GOLM2: variants seen among roughly 807,000 people sequenced by gnomAD.
GOLM2 encodes protein GOLM2.
A neutral mutation model predicts 55.9 loss-of-function variants in GOLM2; 26 were observed. The observed-to-expected ratio is 0.47, with a 90% CI of 0.34 to 0.65. GOLM2 has a LOEUF of 0.65. Among genes scored for constraint, GOLM2 ranks in the 30% least tolerant of loss-of-function variants. The pLI is 0.01. For missense variants in GOLM2, 486 were observed against 531.8 expected, an observed-to-expected ratio of 0.91 and a Z score of 0.85; for synonymous variants, 165 against 194.6, an observed-to-expected ratio of 0.85 and a Z score of 1.27.
At chr15:44,322,880 T>A in intron 1 of GOLM2, 85 bp from the exon 2 acceptor site, 1 of 870,750 alleles carries the variant, frequency 1.1e-6, no homozygotes, top group Non-Finnish European at 1.8e-6. Flanking sequence ...TTTGCATTTA[T>A]GATCAAGCTC....
intron 1 of GOLM2, among the ~76,000 whole-genome samples, chr15:44,300,218 G>A (rs567758271): frequency 1.4e-5 from 2 of 147,520 alleles, no homozygotes; most frequent in Non-Finnish European, 3.0e-5. Context: ...GAGGAAGAAA[G>A]AGGGAGAGGG....
At chr15:44,355,240 G>A (rs531394517) in intron 6 of GOLM2, 2 of 159,430 alleles carry the variant, frequency 1.3e-5, no homozygotes, top group Admixed American at 6.5e-5. Flanking sequence ...TGCCACCCAG[G>A]AGACCTATGG....
At chr15:44,340,150 G>T (rs1014591050) in intron 6 of GOLM2, among the ~76,000 whole-genome samples, 1 of 152,014 alleles carries the variant, frequency 6.6e-6, no homozygotes, top group African/African-American at 2.4e-5. Context: ...GTAGAGACAA[G>T]GTCTCACCAT....
At chr15:44,407,717 G>A (rs1269239930) in intron 9 of GOLM2, among the ~76,000 whole-genome samples, 3 of 151,034 alleles carry the variant, frequency 2.0e-5, no homozygotes, top group African/African-American at 7.3e-5. Flanking sequence ...CCAAAGTGTT[G>A]GGATCACAGG....
At chr15:44,348,650 G>C (rs888652006) in intron 6 of GOLM2, 8 of 152,240 alleles carry the variant, frequency 5.3e-5, no homozygotes, top group African/African-American at 1.7e-4. Context: ...TGGAGCTCTA[G>C]GGCCTTGAGC....
chr15:44,358,395 A>G (rs1017367031), intron 6 of GOLM2, among the ~76,000 whole-genome samples: 7 of 152,202 alleles, frequency 4.6e-5, no homozygotes, highest in African/African-American at 1.7e-4. Context: ...GAAGCAAAAC[A>G]TTCAGAATAG....
intron 6 of GOLM2, among the ~76,000 whole-genome samples, chr15:44,356,370 T>C (rs997931728): frequency 6.6e-5 from 10 of 152,152 alleles, no homozygotes; most frequent in Non-Finnish European, 1.3e-4. Flanking sequence ...GGACACAGAT[T>C]ACTTCTGTCA....
intron 9 of GOLM2, among the ~76,000 whole-genome samples, chr15:44,410,446 A>G (rs1039548782): frequency 1.3e-5 from 2 of 152,052 alleles, no homozygotes; most frequent in Non-Finnish European, 2.9e-5. Context: ...TATATACATA[A>G]TTTTTTTTAA....
At chr15:44,358,500 G>C (rs1262997128) in intron 6 of GOLM2, among the ~76,000 whole-genome samples, 2 of 152,090 alleles carry the variant, frequency 1.3e-5, no homozygotes, top group Non-Finnish European at 2.9e-5. Context: ...GTATGGTATT[G>C]GTCAACAAAC....
intron 8 of GOLM2, among the ~76,000 whole-genome samples, chr15:44,393,528 A>T (rs182494374): frequency 1.9e-3 from 290 of 152,314 alleles, no homozygotes; most frequent in Admixed American, 3.1e-3. Flanking sequence ...ACTGCAAAGG[A>T]ATAAGAATAG....
chr15:44,382,429 C>T (rs375032344), intron 8 of GOLM2, among the ~76,000 whole-genome samples: 2 of 151,950 alleles, frequency 1.3e-5, no homozygotes, highest in South Asian at 2.1e-4. Flanking sequence ...CAGGTTCAAG[C>T]GATTCTTCTG....
intron 1 of GOLM2, among the ~76,000 whole-genome samples, chr15:44,319,494 A>G (rs1407599252): frequency 6.6e-6 from 1 of 151,942 alleles, no homozygotes; most frequent in African/African-American, 2.4e-5. Flanking sequence ...TGCTGGGATT[A>G]TAGGCATGAG....
At position 44,369,064 on chromosome 15, in the gene GOLM2, A is replaced by ATTT. The variant is rs1567037085; in HGVS notation, c.803-10625_803-10624insTTT. Among the ~76,000 whole-genome samples the ATTT allele has an allele frequency of 1.2e-3, 87 of 71,488 alleles. 3 individuals carry two copies. The highest frequency in any genetic ancestry group is 5.1e-3 in the African/African-American group (82 of 15,956). The allele number at this position is 71,488 out of a possible 152,430, so 46.9% of individuals were successfully genotyped here. A position where few individuals can be genotyped will look rare whatever the true frequency, so the allele number is the denominator to read the frequency against. ...AGGAGATATATACATATAATAGGATATATTATATATATATATATATATATA... is the reference window on the plus strand; with the variant it reads ...AGGAGATATATACATATAATAGGATATTTTATTATATATATATATATATATATA... On this transcript the variant is annotated intron_variant, in intron 6 of 9. Transcript: ENST00000299957.
At chr15:44,328,648 G>T in intron 2 of GOLM2, 37 bp from the exon 3 acceptor site, 9 of 1,432,026 alleles carry the variant, frequency 6.3e-6, no homozygotes, top group South Asian at 2.4e-5. Flanking sequence ...TACAATGAGT[G>T]AACTTGATTC....
In GOLM2 at chr15:44,413,712, T is replaced by G. The variant is rs1287963952; in HGVS notation, c.*306T>G. 1.6e-5 allele frequency: 4 copies of G among 246,340 alleles called. No homozygotes were observed. The highest frequency in any genetic ancestry group is 9.1e-5 in the African/African-American group (4 of 44,150). The allele number at this position is 246,340 out of a possible 1,614,324, so 15.3% of individuals were successfully genotyped here. A position where few individuals can be genotyped will look rare whatever the true frequency, so the allele number is the denominator to read the frequency against. On this transcript the variant is annotated 3_prime_UTR_variant, in exon 10 of 10. Transcript: ENST00000299957. The stretch of plus-strand genomic sequence containing the variant: ...GAGCCGACTTATTTCCACAAATAGA[T>G]AAACAGGACAAAATAGTTGTACAGG...
intron 6 of GOLM2, among the ~76,000 whole-genome samples, chr15:44,344,306 TA>T (rs773798419): frequency 1.2e-4 from 18 of 150,286 alleles, no homozygotes; most frequent in East Asian, 3.9e-4. Context: ...TATATATATA[TA>T]TATACCTCTG....
At chr15:44,369,067 T>TATATATATATATA (rs1555424961) in intron 6 of GOLM2, among the ~76,000 whole-genome samples, 1 of 22,960 alleles carries the variant, frequency 4.4e-5, no homozygotes, top group African/African-American at 1.5e-4. Context: ...ATAGGATATA[T>TATATATATATATA]TATATATATA....
chr15:44,333,500 A>G lies in GOLM2; in HGVS notation c.576+1422A>G, dbSNP rs577765535. Among the ~76,000 whole-genome samples the G allele has an allele frequency of 1.4e-4, 21 of 152,234 alleles. No individual in the cohort carries two copies. In the South Asian group the frequency reaches 4.1e-3, roughly 30 times the overall value. On this transcript the variant is annotated intron_variant, in intron 4 of 9. Coordinates refer to ENST00000299957, the MANE Select transcript of GOLM2 (RefSeq NM_138423.4). The stretch of plus-strand genomic sequence containing the variant: ...AATACCTGCTGCCTATCTGCAGTCT[A>G]CTTTGAAGAGGTGTTTAAGGATGGA...
chr15:44,403,623 C>A (rs2079580227), intron 9 of GOLM2, among the ~76,000 whole-genome samples: 1 of 152,126 alleles, frequency 6.6e-6, no homozygotes, highest in African/African-American at 2.4e-5. Context: ...AACTTAGAAT[C>A]TTCAGAAATT....
Sources: allele counts gnomAD v4.1 joint callset (sites outside exome capture counted in the v4.1 genomes callset), GRCh38; gene constraint gnomAD v4.1.1; transcripts MANE v1.5; gene names NCBI Gene and HGNC (gene_info 2026-07-23, HGNC 2026-07-21).